Variants in TNS1 observed in about 807,000 individuals in gnomAD.
TNS1 encodes tensin-1.
TNS1 carries 62 observed loss-of-function variants against 168.6 expected under a neutral mutation model. That is an observed-to-expected ratio of 0.37 (90% CI 0.30 to 0.45). The LOEUF (loss-of-function observed/expected upper bound fraction) is 0.45, where lower values mean the gene tolerates loss of function less well. Among genes scored for constraint, TNS1 ranks in the 20% least tolerant of loss-of-function variants. The pLI, the probability that TNS1 is intolerant of heterozygous loss-of-function variation, is 1.00. For synonymous variants in TNS1, 934 were observed against 933.2 expected, an observed-to-expected ratio of 1.00 and a Z score of -0.02; for missense variants, 2,240 against 2,339.4, an observed-to-expected ratio of 0.96 and a Z score of 0.88.
At chr2:218,009,919 G>A (rs1352943589) in intron 1 of TNS1, among the ~76,000 whole-genome samples, 1 of 152,258 alleles carries the variant, frequency 6.6e-6, no homozygotes, top group East Asian at 1.9e-4. Flanking sequence ...CCTGGGTGGC[G>A]ACTCCCCCGG....
intron 1 of TNS1, among the ~76,000 whole-genome samples, chr2:218,000,547 G>A (rs577584141): frequency 6.6e-6 from 1 of 152,232 alleles, no homozygotes; most frequent in Non-Finnish European, 1.5e-5. Context: ...CTACATACCT[G>A]ATCTTTTGAT....
rs765199493 is a variant in TNS1, at chr2:217,812,371, G to A, written c.5029C>T (p.Arg1677Ter). ...GCCAGGAGTCTCACGTTCCTACCTC[G>A]GTTTGGAATGACCAGCTTGCAAGGC... ...ALPCKLVIPN[R>*]DPTDESKDSS... Residue 1677 changes from arginine to a stop codon, truncating the protein, a stop_gained, in exon 28 of 33, where the codon CGA (arginine) becomes TGA (stop). Coordinates refer to ENST00000682258, the MANE Select transcript of TNS1 (RefSeq NM_001387777.1). LOFTEE classifies it high-confidence loss of function. 7 of 1,613,760 alleles carry A rather than the reference G, an allele frequency of 4.3e-6. No individual in the cohort carries two copies. The highest frequency in any genetic ancestry group is 5.9e-6 in the Non-Finnish European group (7 of 1,179,824).
chr2:217,957,571 T>G (rs1353776630), intron 3 of TNS1, among the ~76,000 whole-genome samples: 1 of 152,096 alleles, frequency 6.6e-6, no homozygotes, highest in Non-Finnish European at 1.5e-5. Context: ...ACTATGGAAA[T>G]AGACAGAGGC....
At chr2:217,843,472 C>G (rs1266725990) in intron 19 of TNS1, among the ~76,000 whole-genome samples, 3 of 152,144 alleles carry the variant, frequency 2.0e-5, no homozygotes, top group Non-Finnish European at 4.4e-5. Flanking sequence ...ACTCTCTCCT[C>G]TCTTATCACA....
intron 1 of TNS1, among the ~76,000 whole-genome samples, chr2:218,019,588 T>G (rs1468985347): frequency 1.3e-5 from 2 of 152,222 alleles, no homozygotes; most frequent in Admixed American, 6.5e-5. Context: ...GGCCTCCTCA[T>G]GCCTTTGCCC....
intron 19 of TNS1, chr2:217,841,117 T>C (rs1199155551): frequency 3.4e-6 from 2 of 584,140 alleles, no homozygotes; most frequent in South Asian, 7.6e-5. Context: ...GAATAGCACA[T>C]GAAGAAGGAG....
intron 3 of TNS1, among the ~76,000 whole-genome samples, chr2:217,922,930 G>C (rs1955807049): frequency 6.6e-6 from 1 of 152,088 alleles, no homozygotes; most frequent in Admixed American, 6.5e-5. Context: ...AGTGTTTCTT[G>C]TCTCTCTCTT....
At chr2:218,029,757 G>T (rs1290442672) in intron 1 of TNS1, among the ~76,000 whole-genome samples, 1 of 152,172 alleles carries the variant, frequency 6.6e-6, no homozygotes. Context: ...CTCCAAGGGG[G>T]ATTAGTGACT....
At chr2:217,924,118 G>A (rs1955882491) in intron 3 of TNS1, among the ~76,000 whole-genome samples, 1 of 152,164 alleles carries the variant, frequency 6.6e-6, no homozygotes, top group Non-Finnish European at 1.5e-5. Flanking sequence ...ACACACAGAG[G>A]TGGGTTCCCC....
intron 22 of TNS1, among the ~76,000 whole-genome samples, chr2:217,827,754 G>T (rs897930785): frequency 1.3e-5 from 2 of 152,190 alleles, no homozygotes; most frequent in Non-Finnish European, 2.9e-5. Flanking sequence ...TAACCCCTAA[G>T]AACCTTCCCC....
chr2:217,881,153 G>C (rs1950646510), intron 17 of TNS1, 139 bp from the exon 18 acceptor site: 3 of 633,826 alleles, frequency 4.7e-6, no homozygotes, highest in Non-Finnish European at 8.3e-6. Context: ...TCTTGAGCGT[G>C]GTGGGCGGGA....
intron 3 of TNS1, among the ~76,000 whole-genome samples, chr2:217,958,152 G>A (rs958723836): frequency 6.6e-6 from 1 of 152,034 alleles, no homozygotes; most frequent in Non-Finnish European, 1.5e-5. Flanking sequence ...AAAACATATC[G>A]TAGACCAAGA....
At chr2:217,943,438 C>A (rs1341606073) in intron 3 of TNS1, among the ~76,000 whole-genome samples, 1 of 152,178 alleles carries the variant, frequency 6.6e-6, no homozygotes, top group African/African-American at 2.4e-5. Context: ...CTGCAATGGG[C>A]AGGCAAGTAG....
At chr2:217,906,811 C>T (rs576807495) in intron 5 of TNS1, among the ~76,000 whole-genome samples, 1 of 152,206 alleles carries the variant, frequency 6.6e-6, no homozygotes, top group Non-Finnish European at 1.5e-5. Context: ...ACTTTCCTCC[C>T]TTCATCTTCC....
rs951329387 is a variant in TNS1 at position 217,801,160 on chromosome 2, A to G, written c.*3299T>C. The G allele has an allele frequency of 6.6e-6, 1 of 152,182 alleles. No homozygotes were observed. Among genetic ancestry groups the G allele is most frequent in the Non-Finnish European group, 1.5e-5 (1 of 68,040 alleles). 9.4% of individuals were successfully genotyped at this position (152,182 alleles called of 1,614,324 possible). A position where few individuals can be genotyped will look rare whatever the true frequency, so the allele number is the denominator to read the frequency against. On this transcript the variant is annotated 3_prime_UTR_variant, in exon 33 of 33. Coordinates refer to ENST00000682258, the MANE Select transcript of TNS1 (RefSeq NM_001387777.1). ...GTCAAAGGCCTTTCCCAAACTTAGG[A>G]TGTGATGTATCTGTCCCTTAAGCGC...
intron 3 of TNS1, among the ~76,000 whole-genome samples, chr2:217,936,035 C>T (rs1956589784): frequency 6.6e-6 from 1 of 152,190 alleles, no homozygotes; most frequent in Non-Finnish European, 1.5e-5. Context: ...TGACCACCTG[C>T]GACATGCCAG....
At chr2:218,020,689 C>T (rs1018562202) in intron 1 of TNS1, among the ~76,000 whole-genome samples, 9 of 152,204 alleles carry the variant, frequency 5.9e-5, no homozygotes, top group African/African-American at 2.2e-4. Flanking sequence ...GAGTTAAAGG[C>T]CTGGGGGCTA....
intron 3 of TNS1, among the ~76,000 whole-genome samples, chr2:217,942,072 C>T (rs1482088264): frequency 1.3e-5 from 2 of 152,226 alleles, no homozygotes; most frequent in Non-Finnish European, 2.9e-5. Flanking sequence ...GCTTATACTT[C>T]CTGGACACCA....
chr2:218,022,279 G>A (rs1958812075), intron 1 of TNS1, among the ~76,000 whole-genome samples: 1 of 152,094 alleles, frequency 6.6e-6, no homozygotes, highest in South Asian at 2.1e-4. Context: ...TCCTGGGCAG[G>A]AGAGTCAATG....
Sources: allele counts gnomAD v4.1 joint callset (sites outside exome capture counted in the v4.1 genomes callset), GRCh38; gene constraint gnomAD v4.1.1; transcripts MANE v1.5; gene names NCBI Gene and HGNC (gene_info 2026-07-23, HGNC 2026-07-21).